The following SGMS1 variants were observed in gnomAD, a reference collection of about 807,000 sequenced individuals.
SGMS1 encodes the protein sphingomyelin synthase 1.
In SGMS1, 13 loss-of-function variants were observed where a neutral mutation model predicts 46.2. The ratio of observed to expected loss-of-function variants is 0.28; its 90% CI spans 0.18 to 0.45. SGMS1 has a LOEUF of 0.45. Among genes scored for constraint, SGMS1 ranks in the 20% least tolerant of loss-of-function variants. The pLI, the probability that SGMS1 is intolerant of heterozygous loss-of-function variation, is 1.00. For missense variants in SGMS1, 324 were observed against 519.9 expected (o/e 0.62, Z 3.66); for synonymous variants, 203 against 187.8 (o/e 1.08, Z -0.66).
In SGMS1 at chr10:50,398,797, A is replaced by T. The variant is rs182516426; in HGVS notation, c.-232+34679T>A. The stretch of plus-strand genomic sequence containing the variant: ...CAGTTTGTCTCTATGGAATGGAAAA[A>T]ATATATATATTATTATTATTATTCA... On this transcript the variant is annotated intron_variant, in intron 6 of 10. Transcript: ENST00000361781. 6.0e-3 allele frequency among the ~76,000 whole-genome samples: 905 copies of T among 152,072 alleles called. 5 individuals carry two copies. Among genetic ancestry groups the T allele is most frequent in the Non-Finnish European group, 0.01 (687 of 67,948 alleles).
At chr10:50,329,102 T>C (rs548263165) in intron 7 of SGMS1, among the ~76,000 whole-genome samples, 38 of 152,306 alleles carry the variant, frequency 2.5e-4, no homozygotes, top group African/African-American at 9.1e-4. Context: ...TTGCTAAAGA[T>C]TACTATCTTA....
rs182507005 is a variant in SGMS1, at chr10:50,509,027, T to C, written c.-498+10804A>G. 5.3e-5 allele frequency among the ~76,000 whole-genome samples: 8 copies of C among 152,338 alleles called. No individual in the cohort carries two copies. In the East Asian group the frequency reaches 1.5e-3, roughly 29 times the overall value. On this transcript the variant is annotated intron_variant, in intron 3 of 10. Coordinates refer to ENST00000361781, the MANE Select transcript of SGMS1 (RefSeq NM_147156.4). ...TAGTTAATGATTATTGGTAAGTGCT[T>C]GCTCAACTGAGTTGACTACTGAACA...
chr10:50,537,209 T>C (rs1838009643), intron 2 of SGMS1, among the ~76,000 whole-genome samples: 1 of 152,176 alleles, frequency 6.6e-6, no homozygotes, highest in South Asian at 2.1e-4. Flanking sequence ...AGTTCAAACC[T>C]TTGTTTTTTC....
At chr10:50,459,967 G>A (rs181573510) in intron 5 of SGMS1, 19 of 151,158 alleles carry the variant, frequency 1.3e-4, no homozygotes, top group Middle Eastern at 3.4e-3. Flanking sequence ...TTCATTGGTA[G>A]ATGGAAAAAA....
chr10:50,311,894 T>C (rs1357754412), intron 8 of SGMS1, among the ~76,000 whole-genome samples: 1 of 152,178 alleles, frequency 6.6e-6, no homozygotes, highest in East Asian at 1.9e-4. Context: ...TATATGAATA[T>C]TTTTGGTATG....
At chr10:50,528,324 G>A (rs2133800144) in intron 2 of SGMS1, among the ~76,000 whole-genome samples, 1 of 152,244 alleles carries the variant, frequency 6.6e-6, no homozygotes, top group Non-Finnish European at 1.5e-5. Flanking sequence ...CCTGTAACAG[G>A]TACAACACAG....
chr10:50,342,470 T>C (rs938782443), intron 7 of SGMS1: 1 of 152,202 alleles, frequency 6.6e-6, no homozygotes, highest in Non-Finnish European at 1.5e-5. Context: ...TTATTTCAAT[T>C]TGTAGATATA....
chr10:50,408,470 T>C (rs1849053201), intron 6 of SGMS1, among the ~76,000 whole-genome samples: 1 of 151,214 alleles, frequency 6.6e-6, no homozygotes, highest in Admixed American at 6.6e-5. Context: ...ATAAAAACTT[T>C]TTTTAATTAG....
intron 6 of SGMS1, among the ~76,000 whole-genome samples, chr10:50,348,718 T>C (rs1847956067): frequency 1.3e-5 from 2 of 152,146 alleles, no homozygotes; most frequent in African/African-American, 4.8e-5. Flanking sequence ...GAAGAATCAA[T>C]ATCATGAAAA....
At chr10:50,568,202 T>C (rs1838306854) in intron 2 of SGMS1, among the ~76,000 whole-genome samples, 4 of 152,198 alleles carry the variant, frequency 2.6e-5, no homozygotes, top group Admixed American at 2.6e-4. Context: ...TTTTATTTCT[T>C]CCAAACGTTT....
At chr10:50,360,218 G>T (rs1007750060) in intron 6 of SGMS1, among the ~76,000 whole-genome samples, 10 of 152,110 alleles carry the variant, frequency 6.6e-5, no homozygotes, top group African/African-American at 2.4e-4. Flanking sequence ...TGGTCCAGGC[G>T]TACAAGCCAA....
chr10:50,400,824 A>G (rs1848927770), intron 6 of SGMS1, among the ~76,000 whole-genome samples: 2 of 152,174 alleles, frequency 1.3e-5, no homozygotes, highest in Non-Finnish European at 2.9e-5. Context: ...GAAAGTCTGG[A>G]CAGTTGTCAG....
intron 6 of SGMS1, among the ~76,000 whole-genome samples, chr10:50,398,874 C>T (rs1848888710): frequency 6.6e-6 from 1 of 151,706 alleles, no homozygotes; most frequent in South Asian, 2.1e-4. Flanking sequence ...GTATATAGGC[C>T]AAATTATTCA....
intron 1 of SGMS1, among the ~76,000 whole-genome samples, chr10:50,608,988 G>GT (rs1483228680): frequency 3.9e-5 from 6 of 152,094 alleles, no homozygotes; most frequent in Admixed American, 2.6e-4. Flanking sequence ...ATAATTTTTT[G>GT]TTTTTTGTTT....
At chr10:50,341,161 C>A (rs1012172413) in intron 7 of SGMS1, 2 of 340,722 alleles carry the variant, frequency 5.9e-6, no homozygotes, top group Non-Finnish European at 1.2e-5. Context: ...TGCTATAATG[C>A]AATAACTAAA....
chr10:50,620,384 A>G (rs1015554124), intron 1 of SGMS1, among the ~76,000 whole-genome samples: 4 of 152,278 alleles, frequency 2.6e-5, no homozygotes, highest in African/African-American at 9.6e-5. Flanking sequence ...CCTCCAGAAG[A>G]GACTGTTATG....
chr10:50,445,430 T>C (rs1001993821), intron 5 of SGMS1, among the ~76,000 whole-genome samples: 2 of 152,132 alleles, frequency 1.3e-5, no homozygotes, highest in Non-Finnish European at 2.9e-5. Context: ...GGACCCCAAA[T>C]GGAGGGACTG....
intron 3 of SGMS1, among the ~76,000 whole-genome samples, chr10:50,472,284 T>A (rs1305981383): frequency 6.6e-6 from 1 of 152,180 alleles, no homozygotes; most frequent in Non-Finnish European, 1.5e-5. Context: ...AATATTACAG[T>A]CATCATTCCT....
intron 6 of SGMS1, among the ~76,000 whole-genome samples, chr10:50,427,323 C>T (rs535804674): frequency 2.6e-5 from 4 of 152,274 alleles, no homozygotes; most frequent in Non-Finnish European, 5.9e-5. Flanking sequence ...GGCATGAACC[C>T]GGTAGGTGGA....
Sources: gnomAD v4.1 joint callset for allele counts (sites outside exome capture counted in the v4.1 genomes callset) on GRCh38, gnomAD v4.1.1 for gene constraint, MANE v1.5 for transcripts, NCBI Gene and HGNC (gene_info 2026-07-23, HGNC 2026-07-21) for gene names.